CMPK1: variants seen among roughly 807,000 people sequenced by gnomAD.
CMPK1 encodes UMP-CMP kinase.
CMPK1 carries 10 observed loss-of-function variants against 25.7 expected under a neutral mutation model. The ratio of observed to expected loss-of-function variants is 0.39; its 90% CI spans 0.24 to 0.66. The LOEUF (loss-of-function observed/expected upper bound fraction) is 0.66. Among genes scored for constraint, CMPK1 ranks in the 30% least tolerant of loss-of-function variants. CMPK1 has a pLI of 0.48. For missense variants in CMPK1, 199 were observed against 280.5 expected (o/e 0.71, Z 2.08); for synonymous variants, 106 against 101.5 (o/e 1.04, Z -0.27).
At chr1:47,346,608 A>G (rs55830339) in intron 1 of CMPK1, among the ~76,000 whole-genome samples, 6,898 of 151,730 alleles carry the variant, frequency 0.045, 501 homozygotes, top group African/African-American at 0.16. Flanking sequence ...GGTTCAAGCA[A>G]TTGTCCTGCC....
chr1:47,334,741 G>A (rs774734044), intron 1 of CMPK1, among the ~76,000 whole-genome samples: 8 of 152,152 alleles, frequency 5.3e-5, no homozygotes, highest in Non-Finnish European at 1.0e-4. Context: ...CCGGGTCGGG[G>A]ATGGGGAAAG....
chr1:47,368,725 C>A, intron 2 of CMPK1, 110 bp downstream of exon 2: 1 of 1,009,620 alleles, frequency 9.9e-7, no homozygotes. Context: ...TTTGGGAAGC[C>A]AAAGCAAGAG....
intron 1 of CMPK1, chr1:47,358,248 G>A (rs1454714940): frequency 2.2e-6 from 1 of 464,280 alleles, no homozygotes; most frequent in Non-Finnish European, 4.2e-6. Context: ...GAGTAGCCAG[G>A]ACTACAGGTG....
At chr1:47,360,238 C>G (rs1041698362) in intron 1 of CMPK1, among the ~76,000 whole-genome samples, 5 of 152,046 alleles carry the variant, frequency 3.3e-5, no homozygotes, top group African/African-American at 1.2e-4. Context: ...TCCATTCCTT[C>G]TAATGTAGGG....
rs182786283 is a variant in CMPK1 at position 47,378,052 on chromosome 1, C to A, written c.*1307C>A. On this transcript the variant is annotated 3_prime_UTR_variant, in exon 6 of 6. Coordinates refer to ENST00000371873, the MANE Select transcript of CMPK1 (RefSeq NM_016308.3). ...ACTTACATCATTTGGTACACAGGGT[C>A]AAATAGGGCAAATAATTTTGTCTTT... 6.6e-6 allele frequency: 1 copy of A among 151,970 alleles called. No homozygotes were observed. The highest frequency in any genetic ancestry group is 2.4e-5 in the African/African-American group (1 of 41,350). 9.4% of individuals were successfully genotyped at this position (151,970 alleles called of 1,614,324 possible).
chr1:47,347,657 ACT>A (rs1441343751), intron 1 of CMPK1, among the ~76,000 whole-genome samples: 2 of 151,704 alleles, frequency 1.3e-5, no homozygotes, highest in African/African-American at 4.8e-5. Context: ...ACAGAGTGTC[ACT>A]CTGTCATCCA....
chr1:47,335,802 T>TCAC (rs1182386658), intron 1 of CMPK1, among the ~76,000 whole-genome samples: 3 of 151,984 alleles, frequency 2.0e-5, no homozygotes, highest in Admixed American at 6.6e-5. Context: ...TCTCACTCCG[T>TCAC]CACCAGGCTG....
intron 1 of CMPK1, among the ~76,000 whole-genome samples, chr1:47,342,816 A>AT (rs1335470534): frequency 6.7e-6 from 1 of 150,290 alleles, no homozygotes; most frequent in Admixed American, 6.7e-5. Context: ...TGCCCAGCTA[A>AT]TTTTTGTATT....
At chr1:47,344,039 G>A (rs1341711061) in intron 1 of CMPK1, among the ~76,000 whole-genome samples, 2 of 150,754 alleles carry the variant, frequency 1.3e-5, no homozygotes, top group African/African-American at 4.9e-5. Flanking sequence ...CTGCGCTTCA[G>A]CCTGTGCAAC....
chr1:47,345,727 G>C (rs1326257037), intron 1 of CMPK1, among the ~76,000 whole-genome samples: 4 of 150,120 alleles, frequency 2.7e-5, no homozygotes, highest in Non-Finnish European at 4.4e-5. Flanking sequence ...AAAGTGCTGG[G>C]ATTATAGGCA....
At chr1:47,372,880 A>G in intron 2 of CMPK1, 75 bp from the exon 3 acceptor site, 1 of 1,109,986 alleles carries the variant, frequency 9.0e-7, no homozygotes, top group Non-Finnish European at 1.3e-6. Context: ...TAAAACACCC[A>G]TGTATACACT....
intron 1 of CMPK1, among the ~76,000 whole-genome samples, chr1:47,346,272 A>C (rs1646483229): frequency 6.6e-6 from 1 of 151,232 alleles, no homozygotes; most frequent in South Asian, 2.1e-4. Context: ...CTGGTCTCGA[A>C]CTCATGACCT....
At chr1:47,334,746 G>C (rs1646383885) in intron 1 of CMPK1, among the ~76,000 whole-genome samples, 1 of 152,156 alleles carries the variant, frequency 6.6e-6, no homozygotes, top group Non-Finnish European at 1.5e-5. Context: ...TCGGGGATGG[G>C]GAAAGCCGGG....
In CMPK1 at chr1:47,377,443, C is replaced by T. The variant is rs754153282; in HGVS notation, c.*698C>T. On this transcript the variant is annotated 3_prime_UTR_variant, in exon 6 of 6. Coordinates refer to ENST00000371873, the MANE Select transcript of CMPK1 (RefSeq NM_016308.3). ...TAATCTAAGGGTATGGGGCAAGGAT[C>T]ACATCTAATGCTTGTGTTCCTTATA... 6.6e-6 allele frequency: 1 copy of T among 152,160 alleles called. No homozygotes were observed. The highest frequency in any genetic ancestry group is 1.5e-5 in the Non-Finnish European group (1 of 68,042). 9.4% of individuals were successfully genotyped at this position (152,160 alleles called of 1,614,324 possible).
At chr1:47,338,419 A>G (rs1303235465) in intron 1 of CMPK1, among the ~76,000 whole-genome samples, 1 of 152,164 alleles carries the variant, frequency 6.6e-6, no homozygotes, top group African/African-American at 2.4e-5. Flanking sequence ...TGTACTGGGA[A>G]GGAAAGATTG....
At chr1:47,341,554 A>T (rs970686485) in intron 1 of CMPK1, among the ~76,000 whole-genome samples, 1 of 152,150 alleles carries the variant, frequency 6.6e-6, no homozygotes, top group Non-Finnish European at 1.5e-5. Context: ...TTTTTAGCAG[A>T]GACAGTGTTT....
intron 1 of CMPK1, among the ~76,000 whole-genome samples, chr1:47,368,042 C>T (rs541638850): frequency 5.7e-4 from 87 of 152,200 alleles, no homozygotes; most frequent in Middle Eastern, 6.8e-3. Flanking sequence ...CTCCGCCTCC[C>T]GGGTTCAAGC....
At position 47,357,552 on chromosome 1, in the gene CMPK1, T is replaced by A. The variant is rs1646570759; in HGVS notation, c.172-10917T>A. 4.0e-5 allele frequency among the ~76,000 whole-genome samples: 6 copies of A among 150,994 alleles called. No individual in the cohort carries two copies. The Admixed American group carries it at 4.0e-4, about 10-fold the overall frequency. The stretch of plus-strand genomic sequence containing the variant: ...TTGGCTGAAGTGCGGTGGTGTGATC[T>A]CAGCTCACTGCAACCTCTGCCTCCC... On this transcript the variant is annotated intron_variant, in intron 1 of 5. Transcript: ENST00000371873.
intron 1 of CMPK1, chr1:47,358,696 T>C: frequency 1.0e-6 from 1 of 985,636 alleles, no homozygotes. Flanking sequence ...GTTCAGGTTC[T>C]TGTGATCTTT....
Sources: gnomAD v4.1 joint callset for allele counts (sites outside exome capture counted in the v4.1 genomes callset) on GRCh38, gnomAD v4.1.1 for gene constraint, MANE v1.5 for transcripts, NCBI Gene and HGNC (gene_info 2026-07-23, HGNC 2026-07-21) for gene names.